TAF4: variants seen among roughly 807,000 people sequenced by gnomAD.
TAF4 encodes TATA-box binding protein associated factor 4.
A neutral mutation model predicts 90.3 loss-of-function variants in TAF4; 9 were observed. The ratio of observed to expected loss-of-function variants is 0.10; its 90% CI spans 0.06 to 0.17. The LOEUF (loss-of-function observed/expected upper bound fraction) is 0.17, where lower values mean the gene tolerates loss of function less well. Among genes scored for constraint, TAF4 ranks in the 10% least tolerant of loss-of-function variants. TAF4 has a pLI of 1.00. For missense variants in TAF4, 1,351 were observed against 1,370.7 expected (o/e 0.99, Z 0.23); for synonymous variants, 818 against 638.9 (o/e 1.28, Z -4.23).
chr20:62,062,892 C>T (rs1419607390), intron 1 of TAF4, among the ~76,000 whole-genome samples: 1 of 152,278 alleles, frequency 6.6e-6, no homozygotes, highest in Non-Finnish European at 1.5e-5. Flanking sequence ...ACCTGGCCTG[C>T]GCTGAGACAC....
intron 1 of TAF4, among the ~76,000 whole-genome samples, chr20:62,056,450 T>A (rs1437667850): frequency 6.6e-6 from 1 of 152,120 alleles, no homozygotes; most frequent in Non-Finnish European, 1.5e-5. Context: ...GTGATATGTA[T>A]CAAAGCCTTG....
At chr20:62,052,668 C>A (rs1029389723) in intron 1 of TAF4, among the ~76,000 whole-genome samples, 9 of 149,018 alleles carry the variant, frequency 6.0e-5, no homozygotes, top group Non-Finnish European at 1.2e-4. Context: ...CCACATTGCA[C>A]CCCTATGTGA....
rs2055764857 is a variant in TAF4, at chr20:62,009,282, C to G, written c.1762-108G>C. On this transcript the variant is annotated intron_variant, in intron 4 of 14. Transcript: ENST00000252996. Reference sequence around the variant, plus strand: ...TGTACAAAAGATACATATATTTCTTCTCTAAACTTCTTTCAAGAAAACGCA... The same window carrying G: ...TGTACAAAAGATACATATATTTCTTGTCTAAACTTCTTTCAAGAAAACGCA... The G allele has an allele frequency of 3.5e-6, 4 of 1,152,598 alleles. No homozygotes were observed. In the East Asian group the frequency reaches 1.1e-4, roughly 31 times the overall value. The allele number at this position is 1,152,598 out of a possible 1,614,324, so 71.4% of individuals were successfully genotyped here.
intron 14 of TAF4, among the ~76,000 whole-genome samples, chr20:61,992,940 A>C (rs1568924715): frequency 6.6e-6 from 1 of 152,218 alleles, no homozygotes; most frequent in Non-Finnish European, 1.5e-5. Context: ...TTGAGATCAC[A>C]ACGGTAAAAA....
intron 1 of TAF4, among the ~76,000 whole-genome samples, chr20:62,024,818 C>A (rs1295478503): frequency 6.6e-6 from 1 of 151,678 alleles, no homozygotes; most frequent in South Asian, 2.1e-4. Flanking sequence ...TACAGTGAGC[C>A]GAGATCATGC....
chr20:61,997,631 G>A lies in TAF4; in HGVS notation c.3009C>T (p.Asp1003=), dbSNP rs764509413. 3.9e-5 allele frequency: 63 copies of A among 1,613,306 alleles called. No individual in the cohort carries two copies. The highest frequency in any genetic ancestry group is 3.3e-4 in the South Asian group (30 of 90,938). ...QQELAQMRQR[D]ANLTALAAIG... is the part of the protein sequence containing the mutation. ...TCGCTGCTAGTGCTGTGAGGTTGGC[G>A]TCCCGCTGTCTCATTTGTGCCAGTT... Residue 1003 remains aspartate (D), a synonymous_variant, in exon 14 of 15, where the codon GAC becomes GAT. Transcript: ENST00000252996.
chr20:61,998,803 G>A (rs538244239), intron 12 of TAF4, among the ~76,000 whole-genome samples, 180 bp downstream of exon 12: 14 of 152,280 alleles, frequency 9.2e-5, no homozygotes, highest in Non-Finnish European at 1.8e-4. Context: ...AAGCATCTAC[G>A]CTAGTGCCAA....
intron 1 of TAF4, among the ~76,000 whole-genome samples, chr20:62,044,116 T>C (rs2055979494): frequency 1.3e-5 from 2 of 152,260 alleles, no homozygotes; most frequent in South Asian, 2.1e-4. Flanking sequence ...GAAAAATATA[T>C]GTATTTTTTA....
intron 1 of TAF4, among the ~76,000 whole-genome samples, chr20:62,053,167 G>A (rs528546988): frequency 6.6e-6 from 1 of 152,262 alleles, no homozygotes; most frequent in South Asian, 2.1e-4. Context: ...AGTGGAAGAG[G>A]GTGGCCCTAT....
At chr20:62,026,468 A>C (rs1446763900) in intron 1 of TAF4, among the ~76,000 whole-genome samples, 2 of 152,176 alleles carry the variant, frequency 1.3e-5, no homozygotes, top group African/African-American at 4.8e-5. Flanking sequence ...AATAACACCA[A>C]GCTAGCTCCT....
chr20:62,006,406 G>A lies in TAF4; in HGVS notation c.2223+104C>T, dbSNP rs2055745269. 2 of 1,282,470 alleles carry A rather than the reference G, an allele frequency of 1.6e-6. No individual in the cohort carries two copies. Among genetic ancestry groups the A allele is most frequent in the Non-Finnish European group, 2.0e-6 (2 of 1,009,404 alleles). 79.4% of individuals were successfully genotyped at this position (1,282,470 alleles called of 1,614,324 possible). The stretch of plus-strand genomic sequence containing the variant: ...AGCTTCCTCTAGCAGGAGGCTTCCT[G>A]CATGCTTGGAAAAGGTTTCTGAGCC... On this transcript the variant is annotated intron_variant, in intron 7 of 14. Coordinates refer to ENST00000252996, the MANE Select transcript of TAF4 (RefSeq NM_003185.4). The surrounding 1 kb of genome is among the most constrained non-coding windows in gnomAD (Gnocchi z 7.0).
rs1309448455 is a variant in TAF4 at position 62,065,539 on chromosome 20, G to T, written c.272C>A (p.Pro91His). 3 of 978,334 alleles carry T rather than the reference G, an allele frequency of 3.1e-6. No homozygotes were observed. Among genetic ancestry groups the T allele is most frequent in the Non-Finnish European group, 3.6e-6 (3 of 826,930 alleles). The allele number at this position is 978,334 out of a possible 1,614,324, so 60.6% of individuals were successfully genotyped here. A position where few individuals can be genotyped will look rare whatever the true frequency, so the allele number is the denominator to read the frequency against. The change falls in exon 1 of 15, where the codon CCC becomes CAC. Residue 91 changes from proline (P) to histidine (H), a missense_variant. By Grantham distance (77) the Pro-to-His change is moderately conservative. Transcript: ENST00000252996. ...GAPGAAPEPP[P>H]AGRARPGGGG... ...GCCCCCCGGCCGCGCTCTACCTGCG[G>T]GGGGCGGCTCCGGCGCCGCTCCGGG...
chr20:62,013,762 G>A (rs972114889), intron 2 of TAF4, among the ~76,000 whole-genome samples: 4 of 152,206 alleles, frequency 2.6e-5, no homozygotes, highest in Non-Finnish European at 5.9e-5. Context: ...CGCAGCGTGC[G>A]GGCACGTGCA....
chr20:62,004,328 CTTT>C (rs60437230), intron 7 of TAF4, among the ~76,000 whole-genome samples: 2 of 117,192 alleles, frequency 1.7e-5, no homozygotes, highest in Non-Finnish European at 1.7e-5. Context: ...CTTTTCTTTT[CTTT>C]TTTTTTTTTT....
chr20:62,012,860 T>C lies in TAF4; in HGVS notation c.1596A>G (p.Thr532=). The change falls in exon 3 of 15, where the codon ACA becomes ACG. Residue 532 remains threonine (T), a synonymous_variant. Transcript: ENST00000252996. ...TIIKQVSQAQ[T]TVQPSATLQR... is the part of the protein sequence containing the mutation. ...GCAGGGTTGCACTGGGCTGCACCGTTGTCTGGGCCTGAGACACTTGCTTAA... is the reference window on the plus strand; with the variant it reads ...GCAGGGTTGCACTGGGCTGCACCGTCGTCTGGGCCTGAGACACTTGCTTAA... 1 of 1,614,164 alleles carries C rather than the reference T, an allele frequency of 6.2e-7. No homozygotes were observed. Among genetic ancestry groups the C allele is most frequent in the Non-Finnish European group, 8.5e-7 (1 of 1,180,028 alleles).
chr20:62,014,023 T>TGGGGG (rs1354883504), intron 2 of TAF4, among the ~76,000 whole-genome samples: 19 of 100,308 alleles, frequency 1.9e-4, no homozygotes, highest in African/African-American at 4.5e-4. Flanking sequence ...GGTGTGGGTG[T>TGGGGG]GTGTGTGTGT....
intron 1 of TAF4, among the ~76,000 whole-genome samples, chr20:62,050,675 C>T (rs373540648): frequency 1.6e-4 from 24 of 152,340 alleles, no homozygotes; most frequent in Admixed American, 3.3e-4. Context: ...AGCAGAGGCC[C>T]GCCCGGGAGG....
At chr20:61,984,359 AC>A (rs1336034493) in intron 14 of TAF4, among the ~76,000 whole-genome samples, 1 of 152,218 alleles carries the variant, frequency 6.6e-6, no homozygotes, top group Non-Finnish European at 1.5e-5. Flanking sequence ...GTGCACACGC[AC>A]CAACCCCTCA....
intron 9 of TAF4, among the ~76,000 whole-genome samples, chr20:62,001,696 C>T (rs1386739336): frequency 6.6e-6 from 1 of 152,118 alleles, no homozygotes; most frequent in African/African-American, 2.4e-5. Flanking sequence ...GGCTGGGCTG[C>T]ACAGCTTAGG....
Sources: allele counts gnomAD v4.1 joint callset (sites outside exome capture counted in the v4.1 genomes callset), GRCh38; gene constraint gnomAD v4.1.1; non-coding constraint Gnocchi (gnomAD v3.1); transcripts MANE v1.5; gene names NCBI Gene and HGNC (gene_info 2026-07-23, HGNC 2026-07-21).